Variants in ZNF708 observed in about 807,000 individuals in gnomAD.
ZNF708 encodes the protein ZNF15, ZNF15L1.
ZNF708 carries 44 observed loss-of-function variants against 47.0 expected under a neutral mutation model. That is an observed-to-expected ratio of 0.94 (90% CI 0.74 to 1.20). ZNF708 has a LOEUF of 1.20. ZNF708 is among the 50% of genes most tolerant of loss of function. The pLI is 0.00. For missense variants in ZNF708, 557 were observed against 656.0 expected, an observed-to-expected ratio of 0.85 and a Z score of 1.65; for synonymous variants, 184 against 218.5, an observed-to-expected ratio of 0.84 and a Z score of 1.39.
intron 1 of ZNF708, 23 bp from the exon 2 acceptor site, chr19:21,310,650 C>T: frequency 2.1e-6 from 3 of 1,449,630 alleles, no homozygotes; most frequent in African/African-American, 1.5e-5. Flanking sequence ...TACACACACA[C>T]ATATTTACCA....
intron 3 of ZNF708, among the ~76,000 whole-genome samples, chr19:21,308,352 T>A (rs1972828352): frequency 6.6e-6 from 1 of 151,666 alleles, no homozygotes; most frequent in Non-Finnish European, 1.5e-5. Flanking sequence ...CAATCGCAGC[T>A]CACAGCAACC....
At chr19:21,319,449 A>AT (rs1973082337) in intron 1 of ZNF708, among the ~76,000 whole-genome samples, 3 of 29,732 alleles carry the variant, frequency 1.0e-4, no homozygotes, top group South Asian at 2.6e-3. Flanking sequence ...TCCTAATATG[A>AT]GTTTTTTTTT....
chr19:21,307,725 T>C (rs1001569839), intron 3 of ZNF708, among the ~76,000 whole-genome samples: 1 of 152,186 alleles, frequency 6.6e-6, no homozygotes, highest in Non-Finnish European at 1.5e-5. Flanking sequence ...TGCCAAACTA[T>C]ATTGTGCCCA....
intron 2 of ZNF708, 26 bp from the exon 3 acceptor site, chr19:21,309,367 G>A (rs772406638): frequency 9.1e-6 from 14 of 1,540,106 alleles, no homozygotes; most frequent in Non-Finnish European, 1.2e-5. Context: ...TAAATAACGT[G>A]AATCTTGCTC....
chr19:21,316,323 T>G (rs1301631892), intron 1 of ZNF708, among the ~76,000 whole-genome samples: 2 of 151,496 alleles, frequency 1.3e-5, no homozygotes, highest in Non-Finnish European at 2.9e-5. Flanking sequence ...ACAGGGTTTC[T>G]CCATGCTAGT....
chr19:21,306,959 A>G (rs1972778512), intron 3 of ZNF708: 1 of 26,190 alleles, frequency 3.8e-5, no homozygotes, highest in Non-Finnish European at 1.1e-4. Flanking sequence ...GAAAAATAAC[A>G]TAACATAACA....
chr19:21,301,963 A>G (rs989212443), intron 3 of ZNF708, among the ~76,000 whole-genome samples: 1 of 152,214 alleles, frequency 6.6e-6, no homozygotes, highest in African/African-American at 2.4e-5. Flanking sequence ...CAGTCCTATG[A>G]AAAGTACTAC....
chr19:21,302,425 C>CTG (rs1972677957), intron 3 of ZNF708, among the ~76,000 whole-genome samples: 1 of 152,018 alleles, frequency 6.6e-6, no homozygotes, highest in African/African-American at 2.4e-5. Context: ...TGGCTGGGTG[C>CTG]TGTGGCTCAC....
At chr19:21,298,040 A>G (rs1972576702) in intron 3 of ZNF708, among the ~76,000 whole-genome samples, 1 of 152,134 alleles carries the variant, frequency 6.6e-6, no homozygotes, top group Admixed American at 6.6e-5. Flanking sequence ...TATATAAAAC[A>G]AATATTGACG....
At chr19:21,321,178 A>G (rs1973126702) in intron 1 of ZNF708, among the ~76,000 whole-genome samples, 1 of 152,148 alleles carries the variant, frequency 6.6e-6, no homozygotes, top group Non-Finnish European at 1.5e-5. Flanking sequence ...AAAGTAATGC[A>G]GAAACAGAAA....
intron 3 of ZNF708, chr19:21,306,961 AACATAACATAAC>A: frequency 8.5e-6 from 1 of 117,022 alleles, no homozygotes. Context: ...AAAATAACAT[AACATAACATAAC>A]ATAACATAAC....
At position 21,294,007 on chromosome 19, in the gene ZNF708, G is replaced by A. The variant is rs1400018069; in HGVS notation, c.959C>T (p.Ser320Phe). The A allele has an allele frequency of 6.2e-7, 1 of 1,612,762 alleles. No homozygotes were observed. Among genetic ancestry groups the A allele is most frequent in the Non-Finnish European group, 8.5e-7 (1 of 1,179,334 alleles). ...CGECGKAFTL[S>F]SHLTTHKRIH... ...CCTCTTATGTGTAGTAAGGTGTGAA[G>A]ATAGGGTAAAGGCTTTGCCACATTC... is the stretch of plus-strand genomic sequence containing the variant. The change falls in exon 4 of 4, where the codon TCT becomes TTT. Residue 320 changes from serine (S) to phenylalanine (F), a missense_variant. Transcript: ENST00000356929.
intron 1 of ZNF708, among the ~76,000 whole-genome samples, chr19:21,314,267 C>A (rs1430619138): frequency 6.6e-6 from 1 of 151,798 alleles, no homozygotes; most frequent in Non-Finnish European, 1.5e-5. Context: ...AACTTAAATC[C>A]CAGCGTTTGC....
intron 1 of ZNF708, chr19:21,318,478 C>A (rs1232719870): frequency 6.6e-6 from 1 of 152,148 alleles, no homozygotes; most frequent in Non-Finnish European, 1.5e-5. Context: ...TGAGAAAAAA[C>A]TCAGATTAGA....
chr19:21,307,261 G>A (rs1325632740), intron 3 of ZNF708, among the ~76,000 whole-genome samples: 1 of 151,972 alleles, frequency 6.6e-6, no homozygotes, highest in East Asian at 1.9e-4. Flanking sequence ...CACAGAAACT[G>A]CAGGCTTGAG....
At chr19:21,303,096 C>A (rs1035120159) in intron 3 of ZNF708, among the ~76,000 whole-genome samples, 3 of 151,880 alleles carry the variant, frequency 2.0e-5, no homozygotes, top group Admixed American at 6.6e-5. Context: ...AAAAAAAATA[C>A]AACAAAACTT....
rs1449205096 is a variant in ZNF708, at chr19:21,316,782, ATC to A, written c.4-6157_4-6156del. 4.7e-5 allele frequency among the ~76,000 whole-genome samples: 7 copies of A among 147,396 alleles called. No individual in the cohort carries two copies. The East Asian group carries it at 1.4e-3, about 30-fold the overall frequency. On this transcript the variant is annotated intron_variant, in intron 1 of 3. Coordinates refer to ENST00000356929, the MANE Select transcript of ZNF708 (RefSeq NM_021269.3). ...AGCCTGGCCAATATGGTGAAATCCC[ATC>A]TCTCTTTTTTTTTTTTTTTGAAACG...
In ZNF708 at chr19:21,323,246, A is replaced by G. The variant is rs187376151; in HGVS notation, c.3+5964T>C. ...TGCTCTCTTTTCTTATCTATCACAT[A>G]GCAGACACCGACTCTGCACATTTTT... is the stretch of plus-strand genomic sequence containing the variant. On this transcript the variant is annotated intron_variant, in intron 1 of 3. Coordinates refer to ENST00000356929, the MANE Select transcript of ZNF708 (RefSeq NM_021269.3). Among the ~76,000 whole-genome samples the G allele has an allele frequency of 4.6e-5, 7 of 152,304 alleles. No homozygotes were observed. In the East Asian group the frequency reaches 1.4e-3, roughly 29 times the overall value.
chr19:21,293,518 T>C lies in ZNF708; in HGVS notation c.1448A>G (p.Lys483Arg), dbSNP rs200591359. The change falls in exon 4 of 4, where the codon AAA becomes AGA. Residue 483 changes from lysine (K) to arginine (R), a missense_variant. Lys to Arg is a conservative substitution (Grantham distance 26). Transcript: ENST00000356929. The stretch of plus-strand genomic sequence containing the variant: ...AAGATGAGAGGACAGAATAAAGCTT[T>C]TGCCACATTCTTCACACTTATAGGG... ...EKPYKCEECG[K>R]SFILSSHLTT... 41 of 1,613,142 alleles carry C rather than the reference T, an allele frequency of 2.5e-5. No homozygotes were observed. The highest frequency in any genetic ancestry group is 3.2e-5 in the Non-Finnish European group (38 of 1,179,748).
Sources: allele counts gnomAD v4.1 joint callset (sites outside exome capture counted in the v4.1 genomes callset), GRCh38; gene constraint gnomAD v4.1.1; transcripts MANE v1.5; gene names NCBI Gene and HGNC (gene_info 2026-07-23, HGNC 2026-07-21).